The following UVRAG variants were observed in gnomAD, a reference collection of about 807,000 sequenced individuals.
UVRAG encodes the protein UV radiation resistance-associated gene protein.
UVRAG carries 19 observed loss-of-function variants against 78.0 expected under a neutral mutation model. The observed-to-expected ratio is 0.24, with a 90% CI of 0.17 to 0.36. The LOEUF is 0.36. Ranked by LOEUF, UVRAG falls within the 10% of genes least tolerant of loss-of-function variation. UVRAG has a pLI of 1.00. For synonymous variants in UVRAG, 323 were observed against 324.6 expected (o/e 1.00, Z 0.05); for missense variants, 740 against 853.8 (o/e 0.87, Z 1.66).
intron 11 of UVRAG, among the ~76,000 whole-genome samples, chr11:76,009,660 A>G (rs1267236265): frequency 6.6e-6 from 1 of 152,170 alleles, no homozygotes; most frequent in African/African-American, 2.4e-5. Flanking sequence ...AGCTGTTGTT[A>G]TTGGTGATCA....
intron 6 of UVRAG, 149 bp from the exon 7 acceptor site, chr11:75,961,295 T>A: frequency 1.6e-6 from 1 of 634,996 alleles, no homozygotes; most frequent in Non-Finnish European, 2.6e-6. Context: ...GTATTCCCTG[T>A]TATTTCATTG....
chr11:75,982,322 C>A lies in UVRAG; in HGVS notation c.700-1065C>A, dbSNP rs534303020. Among the ~76,000 whole-genome samples, 5 of 152,244 alleles carry A rather than the reference C, an allele frequency of 3.3e-5. No homozygotes were observed. The South Asian group carries it at 1.0e-3, about 32-fold the overall frequency. Reference sequence around the variant, plus strand: ...CTCCCCTTGCCTTAATTAATACTGGCCAGGAGTGGCTCCCCACTAGGCCTC... The same window carrying A: ...CTCCCCTTGCCTTAATTAATACTGGACAGGAGTGGCTCCCCACTAGGCCTC... On this transcript the variant is annotated intron_variant, in intron 7 of 14. Transcript: ENST00000356136.
At chr11:76,105,567 G>A (rs923354043) in intron 13 of UVRAG, among the ~76,000 whole-genome samples, 6 of 151,650 alleles carry the variant, frequency 4.0e-5, no homozygotes, top group Admixed American at 2.6e-4. Flanking sequence ...GGGCAACATG[G>A]CAAAATGCTG....
chr11:75,999,775 T>TC (rs568110392), intron 8 of UVRAG, among the ~76,000 whole-genome samples: 112 of 152,270 alleles, frequency 7.4e-4, no homozygotes, highest in African/African-American at 2.6e-3. Flanking sequence ...ATTCCAAAAT[T>TC]TAAAACGTTT....
At chr11:76,135,542 T>C (rs1242212352) in intron 14 of UVRAG, among the ~76,000 whole-genome samples, 1 of 152,248 alleles carries the variant, frequency 6.6e-6, no homozygotes, top group Non-Finnish European at 1.5e-5. Flanking sequence ...TGTGGTTCAG[T>C]TATTCAACAA....
chr11:75,838,335 GT>G (rs1196378251), intron 1 of UVRAG, among the ~76,000 whole-genome samples: 1 of 151,444 alleles, frequency 6.6e-6, no homozygotes, highest in Non-Finnish European at 1.5e-5. Context: ...AAATTTTAGG[GT>G]TTTTTTTGTT....
intron 14 of UVRAG, among the ~76,000 whole-genome samples, chr11:76,132,383 GTA>G (rs1952528112): frequency 6.6e-6 from 1 of 152,038 alleles, no homozygotes. Flanking sequence ...TCAAGATTTA[GTA>G]TTTTGACCAG....
chr11:75,837,427 A>C lies in UVRAG; in HGVS notation c.118-14456A>C, dbSNP rs75734215. 4 of 152,300 alleles carry C rather than the reference A, an allele frequency of 2.6e-5. No individual in the cohort carries two copies. In the East Asian group the frequency reaches 7.7e-4, roughly 29 times the overall value. 9.4% of individuals were successfully genotyped at this position (152,300 alleles called of 1,614,324 possible). A position where few individuals can be genotyped will look rare whatever the true frequency, so the allele number is the denominator to read the frequency against. On this transcript the variant is annotated intron_variant, in intron 1 of 14. Transcript: ENST00000356136. ...ATGCAACATCTTCCTGTAGACTTTA[A>C]ATCATCTCTAGATTACTTATAATAT...
intron 13 of UVRAG, among the ~76,000 whole-genome samples, chr11:76,109,083 C>T (rs1034605535): frequency 5.9e-5 from 9 of 152,092 alleles, no homozygotes; most frequent in Non-Finnish European, 1.3e-4. Flanking sequence ...ATTTCAGAGG[C>T]TAATTTGAGG....
intron 6 of UVRAG, chr11:75,934,967 G>T (rs1948336466): frequency 6.6e-6 from 1 of 152,204 alleles, no homozygotes; most frequent in Non-Finnish European, 1.5e-5. Context: ...GCCTGATGTT[G>T]TCTGATCTCA....
In UVRAG at chr11:75,943,627, C is replaced by T. The variant is rs145195843; in HGVS notation, c.594-17817C>T. Among the ~76,000 whole-genome samples, 752 of 152,134 alleles carry T rather than the reference C, an allele frequency of 4.9e-3. 7 individuals carry two copies. Among genetic ancestry groups the T allele is most frequent in the African/African-American group, 0.017 (706 of 41,482 alleles). ...GTTGATTATTGTTCTATAACTGTCG[C>T]TTCATCAGTGTTGTTAGTTTTTGAG... is the stretch of plus-strand genomic sequence containing the variant. On this transcript the variant is annotated intron_variant, in intron 6 of 14. Coordinates refer to ENST00000356136, the MANE Select transcript of UVRAG (RefSeq NM_003369.4).
chr11:76,114,040 C>A (rs1339263062), intron 13 of UVRAG, among the ~76,000 whole-genome samples: 1 of 151,850 alleles, frequency 6.6e-6, no homozygotes, highest in Non-Finnish European at 1.5e-5. Flanking sequence ...TGTACTCACT[C>A]GGAGACACAT....
intron 5 of UVRAG, among the ~76,000 whole-genome samples, chr11:75,896,252 G>A (rs1250635908): frequency 2.6e-5 from 4 of 152,142 alleles, no homozygotes; most frequent in East Asian, 1.9e-4. Flanking sequence ...TTCTACAGGG[G>A]TTTTCTAGGT....
intron 6 of UVRAG, among the ~76,000 whole-genome samples, chr11:75,927,084 T>C (rs1031375340): frequency 1.1e-4 from 17 of 151,906 alleles, no homozygotes; most frequent in Non-Finnish European, 2.2e-4. Flanking sequence ...TTTTTTTTTT[T>C]TTTGAGATGA....
At chr11:76,107,677 C>A (rs1951995757) in intron 13 of UVRAG, among the ~76,000 whole-genome samples, 1 of 152,166 alleles carries the variant, frequency 6.6e-6, no homozygotes, top group Non-Finnish European at 1.5e-5. Context: ...TGCAATGACT[C>A]ACTGTAAGAA....
chr11:76,055,668 G>A (rs1950968520), intron 12 of UVRAG, among the ~76,000 whole-genome samples: 1 of 151,924 alleles, frequency 6.6e-6, no homozygotes, highest in Admixed American at 6.6e-5. Flanking sequence ...TTTGTTTATG[G>A]TTCTTTTTTC....
intron 5 of UVRAG, among the ~76,000 whole-genome samples, chr11:75,908,754 A>ATTTTTTTTTTTT (rs1947674161): frequency 1.5e-5 from 1 of 65,142 alleles, no homozygotes; most frequent in Non-Finnish European, 2.7e-5. Context: ...GAGTTTTGTG[A>ATTTTTTTTTTTT]TTACAAATTC....
At chr11:75,911,340 A>T (rs1947732790) in intron 5 of UVRAG, 1 of 169,174 alleles carries the variant, frequency 5.9e-6, no homozygotes, top group Admixed American at 5.9e-5. Context: ...CCCAGCCTTG[A>T]CTCCACTTCC....
At chr11:75,818,963 G>A (rs982143249) in intron 1 of UVRAG, among the ~76,000 whole-genome samples, 1 of 152,158 alleles carries the variant, frequency 6.6e-6, no homozygotes, top group African/African-American at 2.4e-5. Flanking sequence ...CAAGATATCA[G>A]CAGCACCTCC....
Sources: allele counts gnomAD v4.1 joint callset (sites outside exome capture counted in the v4.1 genomes callset), GRCh38; gene constraint gnomAD v4.1.1; transcripts MANE v1.5; gene names NCBI Gene and HGNC (gene_info 2026-07-23, HGNC 2026-07-21).